ST3GAL6: variants seen among roughly 807,000 people sequenced by gnomAD.
ST3GAL6 encodes the protein ST3 beta-galactoside alpha-2,3-sialyltransferase 6, also known as type 2 lactosamine alpha-2,3-sialyltransferase.
ST3GAL6 carries 31 observed loss-of-function variants against 40.5 expected under a neutral mutation model. The observed-to-expected ratio is 0.77, with a 90% confidence interval of 0.58 to 1.03. The LOEUF is 1.03. ST3GAL6 is among the 50% of genes least tolerant of loss of function. The probability of loss-of-function intolerance (pLI) is 0.00; values close to 1 mark genes in which losing one functional copy is unlikely to be tolerated. For synonymous variants in ST3GAL6, 129 were observed against 136.9 expected (o/e 0.94, Z 0.40); for missense variants, 357 against 393.2 (o/e 0.91, Z 0.78).
chr3:98,781,867 A>C (rs1940162924), intron 5 of ST3GAL6, among the ~76,000 whole-genome samples: 1 of 152,202 alleles, frequency 6.6e-6, no homozygotes, highest in African/African-American at 2.4e-5. Context: ...TGCCTTCCCC[A>C]GTGCCCAGCC....
intron 1 of ST3GAL6, among the ~76,000 whole-genome samples, chr3:98,738,098 AC>A (rs1935718664): frequency 3.0e-5 from 1 of 33,520 alleles, no homozygotes; most frequent in Non-Finnish European, 6.4e-5. Flanking sequence ...CCCTCCCCCC[AC>A]CCCCGCCTTT....
chr3:98,744,071 C>T (rs151229234), intron 1 of ST3GAL6, among the ~76,000 whole-genome samples: 7 of 152,224 alleles, frequency 4.6e-5, no homozygotes, highest in South Asian at 2.1e-4. Flanking sequence ...GACAGAAACA[C>T]GGGAAAACAC....
chr3:98,744,005 A>T (rs1297391126), intron 1 of ST3GAL6, among the ~76,000 whole-genome samples: 4 of 151,490 alleles, frequency 2.6e-5, no homozygotes, highest in Non-Finnish European at 5.9e-5. Flanking sequence ...AGTTAAGATG[A>T]GGTCACACTG....
intron 1 of ST3GAL6, among the ~76,000 whole-genome samples, chr3:98,735,009 C>T (rs1935408730): frequency 6.6e-6 from 1 of 152,172 alleles, no homozygotes; most frequent in African/African-American, 2.4e-5. Flanking sequence ...GAGTGGTGAC[C>T]AGAGATCTGT....
chr3:98,783,029 C>A, intron 5 of ST3GAL6: 1 of 287,918 alleles, frequency 3.5e-6, no homozygotes, highest in South Asian at 3.3e-5. Flanking sequence ...GCTGCGGGGA[C>A]CATCATCCCC....
At chr3:98,741,051 AGTGTGTGTGTGTGT>A (rs35649214) in intron 1 of ST3GAL6, among the ~76,000 whole-genome samples, 1 of 145,116 alleles carries the variant, frequency 6.9e-6, no homozygotes, top group Non-Finnish European at 1.5e-5. Context: ...AGAGGGATTC[AGTGTGTGTGTGTGT>A]GTGTGTGTGT....
At chr3:98,792,710 GT>G (rs1576140815) in intron 9 of ST3GAL6, among the ~76,000 whole-genome samples, 1 of 145,288 alleles carries the variant, frequency 6.9e-6, no homozygotes, top group East Asian at 2.0e-4. Flanking sequence ...GTAGAGATGA[GT>G]TTTTGCCATG....
Position 98,763,512 on chromosome 3 carries a change from A to G in ST3GAL6, c.-12+73A>G, listed in dbSNP as rs897816531. The G allele has an allele frequency of 2.4e-6, 3 of 1,263,106 alleles. No individual in the cohort carries two copies. The South Asian group carries it at 3.7e-5, about 16-fold the overall frequency. The allele number at this position is 1,263,106 out of a possible 1,614,324, so 78.2% of individuals were successfully genotyped here. ...AATCTAGATGCTGCTGAGATATTAG[A>G]CATTAGGTGCCCACAGGCTGTGTGG... On this transcript the variant is annotated intron_variant, in intron 1 of 9. Coordinates refer to ENST00000483910, the MANE Select transcript of ST3GAL6 (RefSeq NM_001323368.2).
chr3:98,784,831 TCTACTTG>T, intron 5 of ST3GAL6, 107 bp from the exon 6 acceptor site: 1 of 769,088 alleles, frequency 1.3e-6, no homozygotes, highest in South Asian at 1.7e-5. Context: ...TGGTTCTTTT[TCTACTTG>T]CGCAACAAGT....
rs762372921 is a variant in ST3GAL6, at chr3:98,785,033, A to G, written c.424A>G (p.Ile142Val). ...AGAAAAAATCGACTCCTATGATGTA[A>G]TAATAAGGTAAATATATTTTCTATT... is the stretch of plus-strand genomic sequence containing the variant. Reference protein sequence around the residue: ...LGEKIDSYDVIIRMNNGPVLG... With the variant: ...LGEKIDSYDVVIRMNNGPVLG... Residue 142 changes from isoleucine to valine, a missense_variant, in exon 6 of 10, where the codon ATA becomes GTA. Transcript: ENST00000483910. 3.8e-6 allele frequency: 6 copies of G among 1,589,722 alleles called. No homozygotes were observed. In the East Asian group the frequency reaches 1.3e-4, roughly 36 times the overall value.
intron 1 of ST3GAL6, among the ~76,000 whole-genome samples, chr3:98,749,514 G>C (rs967957683): frequency 3.9e-5 from 6 of 152,112 alleles, no homozygotes; most frequent in Non-Finnish European, 8.8e-5. Context: ...TAGCAGAAAA[G>C]GTAAGGGAAA....
At chr3:98,789,521 C>A (rs1031764982) in intron 8 of ST3GAL6, among the ~76,000 whole-genome samples, 1 of 152,092 alleles carries the variant, frequency 6.6e-6, no homozygotes, top group Non-Finnish European at 1.5e-5. Context: ...TTTAACTCTT[C>A]CCCTATTTAT....
upstream of ST3GAL6, chr3:98,762,560 A>T (rs1347484378): frequency 5.2e-6 from 1 of 191,628 alleles, no homozygotes; most frequent in Non-Finnish European, 9.6e-6. Flanking sequence ...CAGACTACTG[A>T]TTCCTTAGGA....
At chr3:98,762,092 A>T (rs140712086), upstream of ST3GAL6, among the ~76,000 whole-genome samples, 68,053 of 151,998 alleles carry the variant, frequency 0.45, 15,505 homozygotes, top group Middle Eastern at 0.56. Flanking sequence ...CAGTGAAAGC[A>T]CTGGTGAAAG....
At chr3:98,782,542 A>G (rs548260043) in intron 5 of ST3GAL6, 37 of 568,444 alleles carry the variant, frequency 6.5e-5, no homozygotes, top group African/African-American at 4.1e-4. Flanking sequence ...GGAAGTGCCT[A>G]CAATCCAAGT....
intron 1 of ST3GAL6, among the ~76,000 whole-genome samples, chr3:98,756,834 A>G (rs1034716829): frequency 1.7e-4 from 26 of 152,326 alleles, no homozygotes; most frequent in African/African-American, 5.3e-4. Context: ...CCAATACATA[A>G]GTGAGGAGTA....
intron 8 of ST3GAL6, among the ~76,000 whole-genome samples, chr3:98,790,257 AGTT>A (rs1941080258): frequency 6.6e-6 from 1 of 152,212 alleles, no homozygotes; most frequent in African/African-American, 2.4e-5. Context: ...GGGAGAAAGT[AGTT>A]AAGTACAGAA....
intron 1 of ST3GAL6, among the ~76,000 whole-genome samples, chr3:98,751,565 A>G (rs1042101953): frequency 2.6e-5 from 4 of 152,220 alleles, no homozygotes; most frequent in Non-Finnish European, 5.9e-5. Context: ...ACTTAAAAAA[A>G]TTCTCTGTAA....
intron 1 of ST3GAL6, among the ~76,000 whole-genome samples, chr3:98,736,718 G>A (rs538306444): frequency 2.2e-4 from 33 of 152,336 alleles, no homozygotes; most frequent in African/African-American, 7.5e-4. Flanking sequence ...GGGGTTGGGA[G>A]CGTGCCGTGT....
Sources: gnomAD v4.1 joint callset for allele counts (sites outside exome capture counted in the v4.1 genomes callset) on GRCh38, gnomAD v4.1.1 for gene constraint, MANE v1.5 for transcripts, NCBI Gene and HGNC (gene_info 2026-07-23, HGNC 2026-07-21) for gene names.